The following ALOX12B variants were observed in gnomAD, a reference collection of about 807,000 sequenced individuals.
The protein encoded by ALOX12B is arachidonate 12-lipoxygenase, 12R type.
In ALOX12B, 47 loss-of-function variants were observed where a neutral mutation model predicts 78.9. That is an observed-to-expected ratio of 0.60 (90% CI 0.47 to 0.76). The LOEUF (loss-of-function observed/expected upper bound fraction) is 0.76. Among genes scored for constraint, ALOX12B ranks in the 30% least tolerant of loss-of-function variants. ALOX12B has a pLI of 0.00. For synonymous variants in ALOX12B, 370 were observed against 374.5 expected (o/e 0.99, Z 0.14); for missense variants, 805 against 922.6 (o/e 0.87, Z 1.65).
At chr17:8,086,276 C>T (rs915322039) in intron 1 of ALOX12B, 56 bp from the exon 2 acceptor site, 16 of 1,569,170 alleles carry the variant, frequency 1.0e-5, no homozygotes, top group African/African-American at 5.7e-5. Flanking sequence ...GCTCCCAGGC[C>T]GCCCACCCCT....
intron 8 of ALOX12B, among the ~76,000 whole-genome samples, chr17:8,078,445 G>A (rs1353177888): frequency 6.6e-6 from 1 of 150,760 alleles, no homozygotes; most frequent in African/African-American, 2.4e-5. Context: ...CCACCACACC[G>A]GGCCTAGAGA....
At chr17:8,076,429 G>A in intron 10 of ALOX12B, 85 bp from the exon 11 acceptor site, 1 of 1,503,710 alleles carries the variant, frequency 6.7e-7, no homozygotes, top group African/African-American at 1.4e-5. Context: ...AAGTGCCCCT[G>A]TAACCCCTGA....
intron 12 of ALOX12B, 126 bp downstream of exon 12, chr17:8,075,469 A>G (rs1977058977): frequency 6.7e-7 from 1 of 1,482,608 alleles, no homozygotes. Flanking sequence ...TAGGGCAGCA[A>G]TTTGGTCTCC....
In ALOX12B at chr17:8,079,343, G is replaced by A. The variant is rs1977155520; in HGVS notation, c.1071+53C>T. Reference sequence around the variant, plus strand: ...CACATAAGCGCGCGCACACTCGGAGGAGCATTCGCGCACACAGAGGCTCAG... The same window carrying A: ...CACATAAGCGCGCGCACACTCGGAGAAGCATTCGCGCACACAGAGGCTCAG... On this transcript the variant is annotated intron_variant, in intron 8 of 14. Coordinates refer to ENST00000647874, the MANE Select transcript of ALOX12B (RefSeq NM_001139.3). This position sits in a 1 kb window ranked among gnomAD's most constrained non-coding sequence, Gnocchi z 6.4. 1 of 1,547,278 alleles carries A rather than the reference G, an allele frequency of 6.5e-7. No individual in the cohort carries two copies. The highest frequency in any genetic ancestry group is 2.0e-5 in the Admixed American group (1 of 50,942).
chr17:8,080,792 A>G lies in ALOX12B; in HGVS notation c.528-12T>C. On this transcript the variant is annotated splice_polypyrimidine_tract_variant and intron_variant, in intron 4 of 14. Transcript: ENST00000647874. The surrounding 1 kb of genome is among the most constrained non-coding windows in gnomAD (Gnocchi z 4.8). ...TATAGCCATTCCACCTGTGGGGAGA[A>G]GCGCAGGGCAACTGGGATCCAGGGG... 6.2e-7 allele frequency: 1 copy of G among 1,614,108 alleles called. No individual in the cohort carries two copies. The highest frequency in any genetic ancestry group is 8.5e-7 in the Non-Finnish European group (1 of 1,180,010).
intron 2 of ALOX12B, among the ~76,000 whole-genome samples, chr17:8,084,596 G>A (rs962249322): frequency 1.1e-4 from 16 of 152,124 alleles, no homozygotes; most frequent in African/African-American, 3.9e-4. Context: ...TGTCCCCAGT[G>A]AGACCCTCCC....
intron 2 of ALOX12B, 124 bp from the exon 3 acceptor site, chr17:8,081,311 G>A: frequency 1.1e-6 from 1 of 912,118 alleles, no homozygotes; most frequent in South Asian, 1.4e-5. Flanking sequence ...GGAGTGGGAA[G>A]GCTCACCTTG....
intron 2 of ALOX12B, among the ~76,000 whole-genome samples, chr17:8,085,467 G>A (rs1035098080): frequency 3.9e-5 from 6 of 152,264 alleles, no homozygotes; most frequent in Admixed American, 2.0e-4. Context: ...AAGCCAGGGC[G>A]TCATAATTAT....
intron 2 of ALOX12B, among the ~76,000 whole-genome samples, chr17:8,084,472 C>T (rs530871065): frequency 6.6e-6 from 1 of 152,318 alleles, no homozygotes; most frequent in East Asian, 1.9e-4. Context: ...GTCTCCCTGT[C>T]CTGTTGCGTG....
At chr17:8,078,483 C>T (rs117631740) in intron 8 of ALOX12B, among the ~76,000 whole-genome samples, 3,483 of 151,212 alleles carry the variant, frequency 0.023, 56 homozygotes, top group Non-Finnish European at 0.034. Context: ...TGAAAATACA[C>T]AAGAGGGCCG....
chr17:8,083,519 A>C (rs1006556553), intron 2 of ALOX12B, among the ~76,000 whole-genome samples: 24 of 152,200 alleles, frequency 1.6e-4, no homozygotes, highest in African/African-American at 5.8e-4. Flanking sequence ...TCATGAGGTC[A>C]GGAATTCAAG....
At chr17:8,078,002 C>CT (rs1442002053) in intron 8 of ALOX12B, among the ~76,000 whole-genome samples, 1 of 152,242 alleles carries the variant, frequency 6.6e-6, no homozygotes, top group African/African-American at 2.4e-5. Flanking sequence ...CGTGTACAGA[C>CT]TTTTTTTCCT....
Position 8,087,614 on chromosome 17 carries a change from TCTGGAAAAGCTG to T in ALOX12B, c.-184_-173del. The T allele has an allele frequency of 8.7e-7, 1 of 1,146,312 alleles. No homozygotes were observed. Among genetic ancestry groups the T allele is most frequent in the Admixed American group, 2.1e-5 (1 of 47,840 alleles). 71.0% of individuals were successfully genotyped at this position (1,146,312 alleles called of 1,614,324 possible). A position where few individuals can be genotyped will look rare whatever the true frequency, so the allele number is the denominator to read the frequency against. ...GGGTGACTAGGCCTGCCAGCCAAATTCTGGAAAAGCTGCTGCCCTTGGTGGCCGGGGTGGGTG... is the reference window on the plus strand; with the variant it reads ...GGGTGACTAGGCCTGCCAGCCAAATTCTGCCCTTGGTGGCCGGGGTGGGTG... On this transcript the variant is annotated 5_prime_UTR_variant, in exon 1 of 15. Coordinates refer to ENST00000647874, the MANE Select transcript of ALOX12B (RefSeq NM_001139.3).
rs745366046 is a variant in ALOX12B at position 8,075,622 on chromosome 17, CTT to C, written c.1625_1626del (p.Lys542ArgfsTer13). The C allele has an allele frequency of 1.1e-5, 18 of 1,614,212 alleles. No individual in the cohort carries two copies. The South Asian group carries it at 2.0e-4, about 18-fold the overall frequency. On this transcript the variant is annotated frameshift_variant, in exon 12 of 15. Coordinates refer to ENST00000647874, the MANE Select transcript of ALOX12B (RefSeq NM_001139.3). ...ELQSWVQEIF[K>X]ECLLGRESSG... is the part of the protein sequence containing the mutation. The stretch of plus-strand genomic sequence containing the variant: ...GAGCTCTCCCGCCCCAGGAGGCACT[CTT>C]TAAATATTTCCTGCACCCAAGACTG...
intron 2 of ALOX12B, among the ~76,000 whole-genome samples, chr17:8,084,571 C>G (rs147677143): frequency 6.6e-6 from 1 of 152,212 alleles, no homozygotes; most frequent in Non-Finnish European, 1.5e-5. Context: ...CCTGTCACTG[C>G]AGGAAGATGC....
Position 8,080,126 on chromosome 17 carries a change from G to A in ALOX12B, c.754+109C>T. The stretch of plus-strand genomic sequence containing the variant: ...TCCAAGAAGCCGCCAGAGGGCGCGC[G>A]CGCGCCTCGCTGCCTCTCCCGTCCC... On this transcript the variant is annotated intron_variant, in intron 6 of 14. Coordinates refer to ENST00000647874, the MANE Select transcript of ALOX12B (RefSeq NM_001139.3). The surrounding 1 kb of genome is among the most constrained non-coding windows in gnomAD (Gnocchi z 4.8). The A allele has an allele frequency of 1.4e-6, 2 of 1,469,146 alleles. No homozygotes were observed. Among genetic ancestry groups the A allele is most frequent in the Non-Finnish European group, 1.9e-6 (2 of 1,050,000 alleles). 91.0% of individuals were successfully genotyped at this position (1,469,146 alleles called of 1,614,324 possible).
Position 8,080,478 on chromosome 17 carries a change from A to C in ALOX12B, c.651-140T>G. ...GCAAAGTCTCTGGGTCCCATGTCTC[A>C]AGATCTTTGCATCTCTAGGTCTCTG... On this transcript the variant is annotated intron_variant, in intron 5 of 14. Coordinates refer to ENST00000647874, the MANE Select transcript of ALOX12B (RefSeq NM_001139.3). This position sits in a 1 kb window ranked among gnomAD's most constrained non-coding sequence, Gnocchi z 4.8. 7.2e-7 allele frequency: 1 copy of C among 1,383,926 alleles called. No homozygotes were observed. The highest frequency in any genetic ancestry group is 1.0e-6 in the Non-Finnish European group (1 of 980,502). The allele number at this position is 1,383,926 out of a possible 1,614,324, so 85.7% of individuals were successfully genotyped here.
chr17:8,079,447 G>GA lies in ALOX12B; in HGVS notation c.1019dup (p.Cys341LeufsTer33). On this transcript the variant is annotated frameshift_variant, in exon 8 of 15. Transcript: ENST00000647874. LOFTEE classifies it high-confidence loss of function. The surrounding 1 kb of genome is among the most constrained non-coding windows in gnomAD (Gnocchi z 6.4). ...CCTCGGGTCCAAAGTGCAGCAGGCAGAGGGGGGCGCAGTGGTGCTGCTTCC... is the reference window on the plus strand; with the variant it reads ...CCTCGGGTCCAAAGTGCAGCAGGCAGAAGGGGGGCGCAGTGGTGCTGCTTCC... 6.4e-7 allele frequency: 1 copy of GA among 1,551,290 alleles called. No homozygotes were observed. The highest frequency in any genetic ancestry group is 8.7e-7 in the Non-Finnish European group (1 of 1,147,080).
At position 8,080,710 on chromosome 17, in the gene ALOX12B, G is replaced by C. The variant is rs774939071; in HGVS notation, c.598C>G (p.Leu200Val). 2.5e-6 allele frequency: 4 copies of C among 1,614,232 alleles called. No individual in the cohort carries two copies. The South Asian group carries it at 3.3e-5, about 13-fold the overall frequency. Residue 200 changes from leucine (L) to valine (V), a missense_variant, in exon 5 of 15, where the codon CTC (leucine) becomes GTC (valine). By Grantham distance (32) the Leu-to-Val change is conservative. Transcript: ENST00000647874. This position sits in a 1 kb window ranked among gnomAD's most constrained non-coding sequence, Gnocchi z 4.8. ...FKATKFLNLN[L>V]RYSFLKTASF... ...GCCGTCTTGAGGAAGGAGTAGCGGA[G>C]ATTTAAGTTCAGGAACTTGGTGGCC...
Sources: allele counts gnomAD v4.1 joint callset (sites outside exome capture counted in the v4.1 genomes callset), GRCh38; gene constraint gnomAD v4.1.1; non-coding constraint Gnocchi (gnomAD v3.1); transcripts MANE v1.5; gene names NCBI Gene and HGNC (gene_info 2026-07-23, HGNC 2026-07-21).